Variants in SREBF2 observed in about 807,000 individuals in gnomAD.
SREBF2 encodes sterol regulatory element-binding protein 2.
Under a neutral mutation model 113.1 loss-of-function variants are expected in SREBF2, and 55 were observed. The ratio of observed to expected loss-of-function variants is 0.49; its 90% CI spans 0.39 to 0.61. SREBF2 has a LOEUF of 0.61. Ranked by LOEUF, SREBF2 falls within the 20% of genes least tolerant of loss-of-function variation. SREBF2 has a pLI of 0.00. For missense variants in SREBF2, 1,349 were observed against 1,487.4 expected, an observed-to-expected ratio of 0.91 and a Z score of 1.53; for synonymous variants, 593 against 605.7, an observed-to-expected ratio of 0.98 and a Z score of 0.31.
At chr22:41,844,029 TACATACACAC>T (rs1297756458) in intron 1 of SREBF2, among the ~76,000 whole-genome samples, 3 of 48,770 alleles carry the variant, frequency 6.2e-5, no homozygotes, top group African/African-American at 2.2e-4. Context: ...AAAAAAAAAA[TACATACACAC>T]ACACACACAC....
At chr22:41,865,620 A>G (rs2148374458) in intron 1 of SREBF2, among the ~76,000 whole-genome samples, 1 of 152,232 alleles carries the variant, frequency 6.6e-6, no homozygotes. Context: ...TTGGAACATG[A>G]TCTAGAAAGG....
In SREBF2 at chr22:41,893,396, G is replaced by A. The variant is rs1285252074; in HGVS notation, c.2377+111G>A. On this transcript the variant is annotated intron_variant, in intron 12 of 18. Transcript: ENST00000361204. Reference sequence around the variant, plus strand: ...ACACGGGTTGTCTCTTAATCTTGTTGAGTCCGTTTGTTTGTTTGTTTGTTT... The same window carrying A: ...ACACGGGTTGTCTCTTAATCTTGTTAAGTCCGTTTGTTTGTTTGTTTGTTT... 7 of 1,226,310 alleles carry A rather than the reference G, an allele frequency of 5.7e-6. No individual in the cohort carries two copies. In the Admixed American group the frequency reaches 9.2e-5, roughly 16 times the overall value. The allele number at this position is 1,226,310 out of a possible 1,614,324, so 76.0% of individuals were successfully genotyped here.
Position 41,880,897 on chromosome 22 carries a change from C to T in SREBF2, c.1943C>T (p.Thr648Met), listed in dbSNP as rs755202141. ...AAAGTCTTCCAGTGCCGGCGGGCCA[C>T]GCCAGCCACTGAGGCAGGCTTTGAA... Reference protein sequence around the residue: ...LKKVFQCRRATPATEAGFEDE... With the variant: ...LKKVFQCRRAMPATEAGFEDE... The change falls in exon 10 of 19, where the codon ACG (threonine) becomes ATG (methionine). Residue 648 changes from threonine (T) to methionine (M), a missense_variant. This residue lies in a region of SREBF2 where 699 missense variants were observed against 843.3 expected (regional missense o/e 0.83). Coordinates refer to ENST00000361204, the MANE Select transcript of SREBF2 (RefSeq NM_004599.4). 1.2e-5 allele frequency: 20 copies of T among 1,613,180 alleles called. No homozygotes were observed. Among genetic ancestry groups the T allele is most frequent in the Middle Eastern group, 1.6e-4 (1 of 6,076 alleles).
At chr22:41,884,384 G>T (rs1260824498) in intron 10 of SREBF2, among the ~76,000 whole-genome samples, 1 of 152,182 alleles carries the variant, frequency 6.6e-6, no homozygotes, top group Non-Finnish European at 1.5e-5. Context: ...TGATCCGCCG[G>T]CCTTGGCCTC....
intron 11 of SREBF2, among the ~76,000 whole-genome samples, chr22:41,890,672 ATT>A (rs376557873): frequency 6.8e-6 from 1 of 147,276 alleles, no homozygotes; most frequent in East Asian, 2.0e-4. Flanking sequence ...TTAAAAAAAA[ATT>A]TTTTTTTTTT....
chr22:41,885,780 C>CT (rs1237634871), intron 11 of SREBF2: 1 of 153,020 alleles, frequency 6.5e-6, no homozygotes, highest in African/African-American at 2.4e-5. Flanking sequence ...TACCACATCT[C>CT]TATTTGTTTC....
chr22:41,905,025 G>A, intron 18 of SREBF2, 51 bp downstream of exon 18: 1 of 1,497,364 alleles, frequency 6.7e-7, no homozygotes, highest in Admixed American at 1.9e-5. Flanking sequence ...CTGCGCCCTA[G>A]GAAGAGAGGA....
intron 5 of SREBF2, 100 bp from the exon 6 acceptor site, chr22:41,875,237 C>T (rs1223433529): frequency 1.0e-6 from 1 of 997,776 alleles, no homozygotes; most frequent in African/African-American, 1.6e-5. Flanking sequence ...GGTTTCTCCT[C>T]TCACAGAGCC....
At chr22:41,836,750 C>T (rs1199346492) in intron 1 of SREBF2, among the ~76,000 whole-genome samples, 1 of 152,116 alleles carries the variant, frequency 6.6e-6, no homozygotes, top group Non-Finnish European at 1.5e-5. Flanking sequence ...AAATAGCCAG[C>T]CTGGATGCTT....
intron 10 of SREBF2, among the ~76,000 whole-genome samples, chr22:41,883,894 C>G (rs1023634649): frequency 1.3e-5 from 2 of 152,218 alleles, no homozygotes; most frequent in Non-Finnish European, 2.9e-5. Context: ...AGGACCAAAG[C>G]CAGCAACAGT....
At chr22:41,893,991 C>A (rs2077388369) in intron 12 of SREBF2, among the ~76,000 whole-genome samples, 1 of 152,120 alleles carries the variant, frequency 6.6e-6, no homozygotes, top group African/African-American at 2.4e-5. Flanking sequence ...GGGGAGTTCA[C>A]TGTCCTTTTC....
At chr22:41,870,750 C>G in intron 3 of SREBF2, 139 bp from the exon 4 acceptor site, 1 of 1,232,402 alleles carries the variant, frequency 8.1e-7, no homozygotes, top group South Asian at 1.3e-5. Flanking sequence ...ATGAAATTTC[C>G]TGTTCATTTT....
Position 41,905,434 on chromosome 22 carries a change from C to A in SREBF2, c.3206-6C>A. 1 of 1,567,064 alleles carries A rather than the reference C, an allele frequency of 6.4e-7. No individual in the cohort carries two copies. The highest frequency in any genetic ancestry group is 8.6e-7 in the Non-Finnish European group (1 of 1,157,870). ...CTCGGTTGTGACACACATCTCCTTC[C>A]CACAGGAGAGGTGGATGCCTGGCCC... On this transcript the variant is annotated splice_region_variant and splice_polypyrimidine_tract_variant and intron_variant, in intron 18 of 18. Transcript: ENST00000361204.
At chr22:41,834,389 C>T (rs960153659) in intron 1 of SREBF2, 7 of 152,598 alleles carry the variant, frequency 4.6e-5, no homozygotes, top group Non-Finnish European at 7.3e-5. Context: ...TATTTTAATA[C>T]GGTAATTAAA....
intron 5 of SREBF2, among the ~76,000 whole-genome samples, 192 bp from the exon 6 acceptor site, chr22:41,875,145 G>A (rs1175441200): frequency 1.3e-5 from 2 of 152,200 alleles, no homozygotes; most frequent in African/African-American, 2.4e-5. Context: ...GTGCTAATGA[G>A]GAGGAAAGTG....
chr22:41,898,196 C>T (rs1486854247), intron 14 of SREBF2, among the ~76,000 whole-genome samples: 3 of 152,096 alleles, frequency 2.0e-5, no homozygotes, highest in Non-Finnish European at 4.4e-5. Flanking sequence ...CTGCAACCTC[C>T]GCCCGCACCG....
chr22:41,873,711 T>C, intron 4 of SREBF2, 87 bp from the exon 5 acceptor site: 1 of 1,396,810 alleles, frequency 7.2e-7, no homozygotes, highest in Non-Finnish European at 9.9e-7. Context: ...CTGGCAGCAC[T>C]TGGCCAAAGC....
rs546182857 is a variant in SREBF2 at position 41,867,517 on chromosome 22, C to T, written c.538+237C>T. 1.8e-4 allele frequency among the ~76,000 whole-genome samples: 28 copies of T among 152,240 alleles called. No homozygotes were observed. The South Asian group carries it at 5.4e-3, about 29-fold the overall frequency. ...TTCAAAAATACTTGGTTAAAAAATC[C>T]AGCAAGCGGCCGGGCGCGGTGGCTC... On this transcript the variant is annotated intron_variant, in intron 2 of 18. Coordinates refer to ENST00000361204, the MANE Select transcript of SREBF2 (RefSeq NM_004599.4).
At chr22:41,876,211 A>T (rs78779289) in intron 7 of SREBF2, among the ~76,000 whole-genome samples, 3,810 of 152,320 alleles carry the variant, frequency 0.025, 154 homozygotes, top group African/African-American at 0.087. Context: ...TGGTAGTTTA[A>T]TGGAATTACT....
Sources: allele counts gnomAD v4.1 joint callset (sites outside exome capture counted in the v4.1 genomes callset), GRCh38; gene constraint gnomAD v4.1.1; regional missense constraint gnomAD v4.1.1; transcripts MANE v1.5; gene names NCBI Gene and HGNC (gene_info 2026-07-23, HGNC 2026-07-21).